Variants in CDC42BPB observed in about 807,000 individuals in gnomAD.
CDC42BPB encodes the protein CDC42 binding protein kinase beta.
In CDC42BPB, 37 loss-of-function variants were observed where a neutral mutation model predicts 214.9. The ratio of observed to expected loss-of-function variants is 0.17; its 90% CI spans 0.13 to 0.23. The LOEUF (loss-of-function observed/expected upper bound fraction) is 0.23, where lower values mean the gene tolerates loss of function less well. Among genes scored for constraint, CDC42BPB ranks in the 10% least tolerant of loss-of-function variants. The probability of loss-of-function intolerance (pLI) is 1.00; values close to 1 mark genes in which losing one functional copy is unlikely to be tolerated. For synonymous variants in CDC42BPB, 931 were observed against 884.0 expected (o/e 1.05, Z -0.94); for missense variants, 1,694 against 2,227.0 (o/e 0.76, Z 4.82).
At chr14:102,969,200 G>A (rs1411159728) in intron 14 of CDC42BPB, among the ~76,000 whole-genome samples, 1 of 152,244 alleles carries the variant, frequency 6.6e-6, no homozygotes, top group Non-Finnish European at 1.5e-5. Flanking sequence ...TGTCAGGCTA[G>A]GGGCAAAGAA....
intron 6 of CDC42BPB, among the ~76,000 whole-genome samples, chr14:102,985,933 G>A (rs1016062781): frequency 3.3e-5 from 5 of 152,232 alleles, no homozygotes; most frequent in East Asian, 1.9e-4. Flanking sequence ...TGTGGCCTGA[G>A]CCTGGGTCTC....
At chr14:102,986,728 C>T (rs1337658685) in intron 5 of CDC42BPB, 148 bp from the exon 6 acceptor site, 3 of 1,348,860 alleles carry the variant, frequency 2.2e-6, no homozygotes, top group African/African-American at 1.5e-5. Context: ...CTCTGTGTGA[C>T]ATTCAGCTGG....
intron 1 of CDC42BPB, among the ~76,000 whole-genome samples, chr14:103,023,531 T>C (rs2139679591): frequency 6.6e-6 from 1 of 152,278 alleles, no homozygotes; most frequent in South Asian, 2.1e-4. Context: ...GGTTTCAAAC[T>C]CCTGGGCTAC....
intron 1 of CDC42BPB, among the ~76,000 whole-genome samples, chr14:103,042,344 C>G (rs1199204573): frequency 6.6e-6 from 1 of 151,692 alleles, no homozygotes; most frequent in Non-Finnish European, 1.5e-5. Flanking sequence ...GAGTCTCACT[C>G]TGTCACCCAG....
At chr14:102,949,722 AG>A in intron 26 of CDC42BPB, 42 bp downstream of exon 26, 1 of 1,610,282 alleles carries the variant, frequency 6.2e-7, no homozygotes, top group South Asian at 1.1e-5. Context: ...AAGATAGCTG[AG>A]GAAGATTCAC....
chr14:102,961,752 A>G (rs1892972414), intron 20 of CDC42BPB, among the ~76,000 whole-genome samples: 1 of 152,234 alleles, frequency 6.6e-6, no homozygotes. Context: ...CATGTTGGTC[A>G]GGCTGGTCTC....
intron 34 of CDC42BPB, 54 bp from the exon 35 acceptor site, chr14:102,938,465 G>C (rs1196976952): frequency 6.6e-7 from 1 of 1,504,864 alleles, no homozygotes; most frequent in Non-Finnish European, 8.8e-7. Context: ...GGCAGGGCCG[G>C]CTGCGAAGTT....
rs1895008331 is a variant in CDC42BPB at position 103,001,992 on chromosome 14, G to C, written c.447+1936C>G. 6.6e-6 allele frequency among the ~76,000 whole-genome samples: 1 copy of C among 152,240 alleles called. No individual in the cohort carries two copies. Among genetic ancestry groups the C allele is most frequent in the Admixed American group, 6.5e-5 (1 of 15,292 alleles). On this transcript the variant is annotated intron_variant, in intron 4 of 36. Coordinates refer to ENST00000361246, the MANE Select transcript of CDC42BPB (RefSeq NM_006035.4). This position sits in a 1 kb window ranked among gnomAD's most constrained non-coding sequence, Gnocchi z 5.8. ...ATCAGACCTAGTCTGTCCTGTCACA[G>C]AACGCGGGGTGCTGAGTTAAGCCAG...
chr14:102,983,562 G>A lies in CDC42BPB; in HGVS notation c.885C>T (p.Asn295=). 1 of 1,603,098 alleles carries A rather than the reference G, an allele frequency of 6.2e-7. No homozygotes were observed. Among genetic ancestry groups the A allele is most frequent in the African/African-American group, 1.3e-5 (1 of 74,894 alleles). Residue 295 remains asparagine, a synonymous_variant, in exon 7 of 37, where the codon AAC becomes AAT. Transcript: ENST00000361246. ...AAAAAATGCAACGTCTTACTTCATG[G>A]TTCATGATCTTCCCATAGGTCTCCA... The part of the protein sequence containing the change: ...SLVETYGKIM[N]HEERFQFPSH...
intron 3 of CDC42BPB, among the ~76,000 whole-genome samples, chr14:103,005,952 G>A (rs541671830): frequency 7.3e-5 from 11 of 150,170 alleles, no homozygotes; most frequent in East Asian, 5.9e-4. Context: ...GCAGGAGACC[G>A]AGGTCGCAGT....
chr14:102,942,455 C>T (rs1031372742), intron 30 of CDC42BPB, among the ~76,000 whole-genome samples: 2 of 152,230 alleles, frequency 1.3e-5, no homozygotes, highest in African/African-American at 4.8e-5. Flanking sequence ...CCCCCATATG[C>T]GCGGCTCGTC....
Position 103,057,388 on chromosome 14 carries a change from G to T in CDC42BPB, c.-215C>A. ...GGGGCGCCGGGCCCCGCGGGTCCATGGGCCGCTCTCCTCCCCTCGGCGCCG... is the reference window on the plus strand; with the variant it reads ...GGGGCGCCGGGCCCCGCGGGTCCATTGGCCGCTCTCCTCCCCTCGGCGCCG... On this transcript the variant is annotated 5_prime_UTR_variant, in exon 1 of 37. Coordinates refer to ENST00000361246, the MANE Select transcript of CDC42BPB (RefSeq NM_006035.4). The T allele has an allele frequency of 1.1e-6, 1 of 916,734 alleles. No homozygotes were observed. Among genetic ancestry groups the T allele is most frequent in the South Asian group, 4.9e-5 (1 of 20,562 alleles). 56.8% of individuals were successfully genotyped at this position (916,734 alleles called of 1,614,324 possible). A position where few individuals can be genotyped will look rare whatever the true frequency, so the allele number is the denominator to read the frequency against.
At chr14:103,007,729 T>C (rs1445897057) in intron 3 of CDC42BPB, among the ~76,000 whole-genome samples, 1 of 152,210 alleles carries the variant, frequency 6.6e-6, no homozygotes, top group Non-Finnish European at 1.5e-5. Context: ...GACTGCCAAG[T>C]GCCTTCTGGC....
At chr14:102,933,946 C>T in intron 36 of CDC42BPB, 103 bp from the exon 37 acceptor site, 2 of 1,435,464 alleles carry the variant, frequency 1.4e-6, no homozygotes, top group Non-Finnish European at 1.8e-6. Flanking sequence ...ACTGTCGCAA[C>T]TGCTCTTCTC....
chr14:102,975,294 C>A (rs937967144), intron 11 of CDC42BPB, among the ~76,000 whole-genome samples: 23 of 152,200 alleles, frequency 1.5e-4, no homozygotes, highest in African/African-American at 5.6e-4. Context: ...GAAGCCAAGG[C>A]AGGCAGATCA....
intron 28 of CDC42BPB, 88 bp downstream of exon 28, chr14:102,946,380 C>G: frequency 1.4e-6 from 2 of 1,417,888 alleles, no homozygotes; most frequent in Non-Finnish European, 1.9e-6. Context: ...GGACCTGTGA[C>G]CTTCATCTGA....
In CDC42BPB at chr14:102,963,044, G is replaced by T; in HGVS notation, c.2821+17C>A. On this transcript the variant is annotated intron_variant, in intron 20 of 36. Transcript: ENST00000361246. ...ACTTATATTCAAATAATGCAGAATC[G>T]CACAACATTAATTTACCAGTATCTG... 3 of 1,111,246 alleles carry T rather than the reference G, an allele frequency of 2.7e-6. No individual in the cohort carries two copies. Among genetic ancestry groups the T allele is most frequent in the Non-Finnish European group, 4.1e-6 (3 of 733,470 alleles). 68.8% of individuals were successfully genotyped at this position (1,111,246 alleles called of 1,614,324 possible). A position where few individuals can be genotyped will look rare whatever the true frequency, so the allele number is the denominator to read the frequency against.
intron 30 of CDC42BPB, chr14:102,941,530 C>G: frequency 1.0e-6 from 1 of 985,410 alleles, no homozygotes; most frequent in Non-Finnish European, 1.2e-6. Context: ...CAAAAGCAGC[C>G]CCAGACACTG....
chr14:102,956,455 G>C (rs1892709272), intron 21 of CDC42BPB: 1 of 982,376 alleles, frequency 1.0e-6, no homozygotes, highest in African/African-American at 1.7e-5. Context: ...ATTTTCAAAA[G>C]AGTCTGGAAG....
Sources: gnomAD v4.1 joint callset for allele counts (sites outside exome capture counted in the v4.1 genomes callset) on GRCh38, gnomAD v4.1.1 for gene constraint, Gnocchi (gnomAD v3.1) non-coding constraint, MANE v1.5 for transcripts, NCBI Gene and HGNC (gene_info 2026-07-23, HGNC 2026-07-21) for gene names.